Variants in TMEM132B observed in about 807,000 individuals in gnomAD.
The protein encoded by TMEM132B is transmembrane protein 132B.
In TMEM132B, 18 loss-of-function variants were observed where a neutral mutation model predicts 90.8. The ratio of observed to expected loss-of-function variants is 0.20; its 90% CI spans 0.14 to 0.29. The LOEUF (loss-of-function observed/expected upper bound fraction) is 0.29. TMEM132B is among the 10% of genes least tolerant of loss of function. The pLI, the probability that TMEM132B is intolerant of heterozygous loss-of-function variation, is 1.00. For synonymous variants in TMEM132B, 504 were observed against 523.3 expected (o/e 0.96, Z 0.50); for missense variants, 1,096 against 1,326.8 (o/e 0.83, Z 2.70).
intron 1 of TMEM132B, among the ~76,000 whole-genome samples, chr12:125,280,776 G>A (rs1026527637): frequency 1.3e-5 from 2 of 152,202 alleles, no homozygotes; most frequent in African/African-American, 2.4e-5. Context: ...AGCAGCACGG[G>A]GAATGCTCCA....
intron 4 of TMEM132B, among the ~76,000 whole-genome samples, chr12:125,552,558 G>A (rs528513372): frequency 9.2e-5 from 14 of 152,228 alleles, no homozygotes; most frequent in Middle Eastern, 3.4e-3. Context: ...CCCAAAAGTC[G>A]CCTTGCAAAA....
In TMEM132B at chr12:125,498,261, A is replaced by G. The variant is rs972430141; in HGVS notation, c.1107-21178A>G. Among the ~76,000 whole-genome samples the G allele has an allele frequency of 6.6e-6, 1 of 152,224 alleles. No individual in the cohort carries two copies. The highest frequency in any genetic ancestry group is 1.5e-5 in the Non-Finnish European group (1 of 68,034). On this transcript the variant is annotated intron_variant, in intron 3 of 8. Coordinates refer to ENST00000682704, the MANE Select transcript of TMEM132B (RefSeq NM_001366854.1). This position sits in a 1 kb window ranked among gnomAD's most constrained non-coding sequence, Gnocchi z 4.5. The stretch of plus-strand genomic sequence containing the variant: ...AACAGTAAAGGATGATTTAATTTAC[A>G]TGGGAATGCTGAGTTGATGGCTAGG...
chr12:125,272,480 T>G (rs1311067718), intron 1 of TMEM132B, among the ~76,000 whole-genome samples: 1 of 152,134 alleles, frequency 6.6e-6, no homozygotes, highest in Non-Finnish European at 1.5e-5. Context: ...TCTGATCCCC[T>G]GCGCCCAGGC....
intron 5 of TMEM132B, among the ~76,000 whole-genome samples, chr12:125,591,206 T>C (rs1035413156): frequency 2.6e-5 from 4 of 152,210 alleles, no homozygotes; most frequent in African/African-American, 9.6e-5. Context: ...TGGAACAACA[T>C]GTATCTTACA....
chr12:125,511,850 T>TAA (rs1188465342), intron 3 of TMEM132B, among the ~76,000 whole-genome samples: 1 of 89,730 alleles, frequency 1.1e-5, no homozygotes, highest in South Asian at 3.7e-4. Context: ...AGACTCTATC[T>TAA]CAAAAAAAAA....
Position 125,659,170 on chromosome 12 carries a change from A to G in TMEM132B, c.*4460A>G, listed in dbSNP as rs1264487610. ...CTTGATGCAGTAATAAATGGACATC[A>G]AAAGAAAACATTTCTTAAAAGTTGC... On this transcript the variant is annotated 3_prime_UTR_variant, in exon 9 of 9. Coordinates refer to ENST00000682704, the MANE Select transcript of TMEM132B (RefSeq NM_001366854.1). The G allele has an allele frequency of 6.6e-6, 1 of 152,264 alleles. No individual in the cohort carries two copies. The highest frequency in any genetic ancestry group is 2.4e-5 in the African/African-American group (1 of 41,472). The allele number at this position is 152,264 out of a possible 1,614,324, so 9.4% of individuals were successfully genotyped here. A position where few individuals can be genotyped will look rare whatever the true frequency, so the allele number is the denominator to read the frequency against.
rs375917593 is a variant in TMEM132B at position 125,460,721 on chromosome 12, C to T, written c.1106+45044C>T. 4.6e-5 allele frequency among the ~76,000 whole-genome samples: 7 copies of T among 152,216 alleles called. No homozygotes were observed. The highest frequency in any genetic ancestry group is 1.4e-4 in the African/African-American group (6 of 41,538). On this transcript the variant is annotated intron_variant, in intron 3 of 8. Transcript: ENST00000682704. This position sits in a 1 kb window ranked among gnomAD's most constrained non-coding sequence, Gnocchi z 4.4. ...AGACCACTGGGGCCAGTGTCATCAG[C>T]GTGTGTATGTCATTGGCAGCCACTT...
chr12:125,272,309 T>C (rs1415816475), intron 1 of TMEM132B, among the ~76,000 whole-genome samples: 1 of 152,222 alleles, frequency 6.6e-6, no homozygotes, highest in African/African-American at 2.4e-5. Context: ...AGAAAAGCCC[T>C]TGGGATACCT....
At chr12:125,455,797 G>GT (rs1368935771) in intron 3 of TMEM132B, among the ~76,000 whole-genome samples, 1 of 152,084 alleles carries the variant, frequency 6.6e-6, no homozygotes, top group Non-Finnish European at 1.5e-5. Context: ...CCAGGGAGTT[G>GT]TAAGTGGAAG....
At chr12:125,370,992 A>G (rs1353474831) in intron 2 of TMEM132B, among the ~76,000 whole-genome samples, 2 of 152,206 alleles carry the variant, frequency 1.3e-5, no homozygotes, top group Admixed American at 1.3e-4. Context: ...CAAAGCCTCA[A>G]AAGTAGGGAA....
chr12:125,473,100 G>T (rs924615434), intron 3 of TMEM132B, among the ~76,000 whole-genome samples: 2 of 152,108 alleles, frequency 1.3e-5, no homozygotes, highest in Admixed American at 1.3e-4. Flanking sequence ...GGTTTATCTG[G>T]CACCCTCCTC....
chr12:125,515,346 ACT>A lies in TMEM132B; in HGVS notation c.1107-4091_1107-4090del, dbSNP rs549046520. On this transcript the variant is annotated intron_variant, in intron 3 of 8. Coordinates refer to ENST00000682704, the MANE Select transcript of TMEM132B (RefSeq NM_001366854.1). ...TTACAGAAACAACACATTCTGTCAC[ACT>A]CACACACACATTGACACATTCACTC... is the stretch of plus-strand genomic sequence containing the variant. 3.0e-3 allele frequency among the ~76,000 whole-genome samples: 452 copies of A among 151,748 alleles called. 3 individuals are homozygous for A. Among genetic ancestry groups the A allele is most frequent in the African/African-American group, 0.01 (425 of 41,398 alleles).
intron 1 of TMEM132B, among the ~76,000 whole-genome samples, chr12:125,261,508 A>G (rs1354347890): frequency 6.6e-6 from 1 of 152,212 alleles, no homozygotes; most frequent in Non-Finnish European, 1.5e-5. Flanking sequence ...ATATTTGGTG[A>G]GAGGTGAACT....
At chr12:125,535,351 A>G (rs922807823) in intron 4 of TMEM132B, among the ~76,000 whole-genome samples, 1 of 152,130 alleles carries the variant, frequency 6.6e-6, no homozygotes, top group Non-Finnish European at 1.5e-5. Flanking sequence ...TTTCCAGCCC[A>G]CTGTGTTTAA....
intron 3 of TMEM132B, among the ~76,000 whole-genome samples, chr12:125,446,051 C>T (rs113684724): frequency 1.2e-3 from 184 of 152,364 alleles, no homozygotes; most frequent in African/African-American, 3.9e-3. Context: ...TCCAGGCCCC[C>T]GCCAAGTTGT....
chr12:125,434,924 A>G (rs1012040542), intron 3 of TMEM132B, among the ~76,000 whole-genome samples: 1 of 152,196 alleles, frequency 6.6e-6, no homozygotes, highest in Non-Finnish European at 1.5e-5. Flanking sequence ...TGTAAAACTC[A>G]GAGTGCATGA....
intron 1 of TMEM132B, among the ~76,000 whole-genome samples, chr12:125,211,913 C>T (rs1873327734): frequency 6.6e-6 from 1 of 152,216 alleles, no homozygotes; most frequent in South Asian, 2.1e-4. Context: ...TTGTGAATTG[C>T]ACCAGCTGGG....
chr12:125,200,877 AATT>A (rs1487355996), intron 1 of TMEM132B, among the ~76,000 whole-genome samples: 1 of 152,138 alleles, frequency 6.6e-6, no homozygotes, highest in Non-Finnish European at 1.5e-5. Context: ...GGCTGTGGAC[AATT>A]CTCAGAGGTC....
At chr12:125,586,610 T>C (rs1180493492) in intron 5 of TMEM132B, 1 of 152,234 alleles carries the variant, frequency 6.6e-6, no homozygotes, top group Non-Finnish European at 1.5e-5. Context: ...CCCACCTGGG[T>C]TGTAACTCAT....
Sources: gnomAD v4.1 joint callset for allele counts (sites outside exome capture counted in the v4.1 genomes callset) on GRCh38, gnomAD v4.1.1 for gene constraint, Gnocchi (gnomAD v3.1) non-coding constraint, MANE v1.5 for transcripts, NCBI Gene and HGNC (gene_info 2026-07-23, HGNC 2026-07-21) for gene names.